The following LRP1B variants were observed in gnomAD, a reference collection of about 807,000 sequenced individuals.
LRP1B encodes the protein low-density lipoprotein receptor-related protein 1B.
In LRP1B, 217 loss-of-function variants were observed where a neutral mutation model predicts 556.6. The ratio of observed to expected loss-of-function variants is 0.39; its 90% CI spans 0.35 to 0.44. The LOEUF (loss-of-function observed/expected upper bound fraction) is 0.44. Ranked by LOEUF, LRP1B falls within the 20% of genes least tolerant of loss-of-function variation. The pLI, the probability that LRP1B is intolerant of heterozygous loss-of-function variation, is 1.00. For missense variants in LRP1B, 5,053 were observed against 5,620.8 expected, an observed-to-expected ratio of 0.90 and a Z score of 3.23; for synonymous variants, 2,047 against 1,865.8, an observed-to-expected ratio of 1.10 and a Z score of -2.50.
At chr2:141,773,913 G>C (rs182560916) in intron 2 of LRP1B, among the ~76,000 whole-genome samples, 53 of 152,242 alleles carry the variant, frequency 3.5e-4, no homozygotes, top group African/African-American at 1.2e-3. Flanking sequence ...AATCAAAAGT[G>C]AAAAATAAAA....
chr2:140,598,048 C>T (rs1327594618), intron 43 of LRP1B, among the ~76,000 whole-genome samples: 1 of 152,106 alleles, frequency 6.6e-6, no homozygotes, highest in African/African-American at 2.4e-5. Context: ...CAAGGGGGCG[C>T]CCTAGCATCT....
chr2:142,074,788 G>A (rs1705441527), intron 1 of LRP1B, among the ~76,000 whole-genome samples: 1 of 152,018 alleles, frequency 6.6e-6, no homozygotes, highest in South Asian at 2.1e-4. Flanking sequence ...AATATGATTT[G>A]TATCTGACCC....
chr2:140,993,434 GATAA>G (rs1442926802), intron 16 of LRP1B, among the ~76,000 whole-genome samples: 1 of 151,990 alleles, frequency 6.6e-6, no homozygotes, highest in African/African-American at 2.4e-5. Flanking sequence ...CCCAGCAGAT[GATAA>G]ATAATTAAAT....
intron 7 of LRP1B, among the ~76,000 whole-genome samples, chr2:141,166,945 C>T (rs1680292851): frequency 6.6e-6 from 1 of 151,852 alleles, no homozygotes; most frequent in Non-Finnish European, 1.5e-5. Flanking sequence ...TCAATTATAA[C>T]ATAATATATT....
At chr2:140,767,532 G>A (rs1435813288) in intron 35 of LRP1B, among the ~76,000 whole-genome samples, 4 of 151,816 alleles carry the variant, frequency 2.6e-5, no homozygotes, top group Non-Finnish European at 4.4e-5. Context: ...GTAAACTTTG[G>A]AGAGTGAATT....
At chr2:140,495,413 C>A in intron 56 of LRP1B, 152 bp downstream of exon 56, 1 of 546,244 alleles carries the variant, frequency 1.8e-6, no homozygotes, top group African/African-American at 1.9e-5. Flanking sequence ...CATACAAAAT[C>A]AGAGTGACAG....
chr2:141,035,777 A>T (rs933414331), intron 11 of LRP1B, among the ~76,000 whole-genome samples: 3 of 152,092 alleles, frequency 2.0e-5, no homozygotes, highest in African/African-American at 7.2e-5. Context: ...AGCTTATTGA[A>T]AGTAGAAAAC....
chr2:141,668,943 C>A (rs1048435529), intron 2 of LRP1B, among the ~76,000 whole-genome samples: 1 of 152,102 alleles, frequency 6.6e-6, no homozygotes, highest in African/African-American at 2.4e-5. Context: ...ATGCAGCAAC[C>A]AAACAGATGA....
intron 41 of LRP1B, among the ~76,000 whole-genome samples, chr2:140,698,716 G>T (rs1238615281): frequency 6.6e-6 from 1 of 151,990 alleles, no homozygotes; most frequent in Non-Finnish European, 1.5e-5. Flanking sequence ...CGTGACAAGT[G>T]GTGGTTACTT....
intron 1 of LRP1B, among the ~76,000 whole-genome samples, chr2:142,034,932 A>C (rs1703828526): frequency 6.6e-6 from 1 of 151,754 alleles, no homozygotes; most frequent in Non-Finnish European, 1.5e-5. Flanking sequence ...AAACTATAAA[A>C]ATGTATTGGT....
chr2:140,893,565 G>A (rs1037995369), intron 23 of LRP1B, among the ~76,000 whole-genome samples: 11 of 152,244 alleles, frequency 7.2e-5, no homozygotes, highest in African/African-American at 9.6e-5. Flanking sequence ...CTTCATTTCC[G>A]TAGGTATAAA....
intron 7 of LRP1B, among the ~76,000 whole-genome samples, chr2:141,151,779 C>T (rs1156955552): frequency 1.3e-5 from 2 of 152,054 alleles, no homozygotes; most frequent in African/African-American, 4.8e-5. Context: ...CTGTAGACAA[C>T]TAAGTTGTTT....
At chr2:141,690,642 C>T (rs1017352490) in intron 2 of LRP1B, among the ~76,000 whole-genome samples, 3 of 150,670 alleles carry the variant, frequency 2.0e-5, no homozygotes, top group Admixed American at 6.7e-5. Flanking sequence ...CTGCTCTTAT[C>T]TTTGCTAATC....
intron 43 of LRP1B, among the ~76,000 whole-genome samples, chr2:140,550,293 C>G (rs1454293693): frequency 2.0e-5 from 3 of 152,072 alleles, no homozygotes; most frequent in African/African-American, 7.2e-5. Context: ...GATGGTTTGT[C>G]CAACTTCTTT....
chr2:141,322,395 C>T (rs751508350), intron 3 of LRP1B, among the ~76,000 whole-genome samples: 2 of 151,994 alleles, frequency 1.3e-5, no homozygotes, highest in Non-Finnish European at 2.9e-5. Flanking sequence ...TCTTGGGGAA[C>T]AGAAGAGAGA....
At chr2:141,160,846 C>CTA (rs61683642) in intron 7 of LRP1B, among the ~76,000 whole-genome samples, 2,915 of 149,548 alleles carry the variant, frequency 0.019, 105 homozygotes, top group African/African-American at 0.068. Context: ...CAAAATTAAT[C>CTA]TATATATATA....
At chr2:140,498,084 T>C (rs2104880450) in intron 55 of LRP1B, among the ~76,000 whole-genome samples, 1 of 151,968 alleles carries the variant, frequency 6.6e-6, no homozygotes, top group Admixed American at 6.6e-5. Context: ...AAAATAATAA[T>C]CTTTTGCATT....
intron 1 of LRP1B, among the ~76,000 whole-genome samples, chr2:141,874,482 T>C (rs1698692930): frequency 6.6e-6 from 1 of 151,946 alleles, no homozygotes; most frequent in Non-Finnish European, 1.5e-5. Flanking sequence ...TGACTAATTA[T>C]GATATCAGCC....
At chr2:142,122,243 T>C (rs1003073734) in intron 1 of LRP1B, among the ~76,000 whole-genome samples, 9 of 152,082 alleles carry the variant, frequency 5.9e-5, no homozygotes, top group African/African-American at 2.2e-4. Flanking sequence ...GAAGTCAAAA[T>C]GTGCTAAGAT....
Sources: gnomAD v4.1 joint callset for allele counts (sites outside exome capture counted in the v4.1 genomes callset) on GRCh38, gnomAD v4.1.1 for gene constraint, MANE v1.5 for transcripts, NCBI Gene and HGNC (gene_info 2026-07-23, HGNC 2026-07-21) for gene names.